The following C7orf78 variants were observed in gnomAD, a reference collection of about 807,000 sequenced individuals.
C7orf78 encodes putative uncharacterized protein C7orf78.
chr7:12,530,748 T>C, the C7orf78 span, among the ~76,000 whole-genome samples: 1 of 152,180 alleles, frequency 6.6e-6, no homozygotes. Context: ...AGAAGTTTAG[T>C]GAGTGACACT....
chr7:12,485,007 G>T, the C7orf78 span, among the ~76,000 whole-genome samples: 4 of 151,932 alleles, frequency 2.6e-5, no homozygotes, highest in Non-Finnish European at 5.9e-5. Flanking sequence ...TTTTTTCTTG[G>T]ATTAAGCGGT....
the C7orf78 span, among the ~76,000 whole-genome samples, chr7:12,516,471 G>A: frequency 6.6e-6 from 1 of 152,218 alleles, no homozygotes; most frequent in African/African-American, 2.4e-5. Flanking sequence ...GCTGTGGGAG[G>A]CCCCACACAG....
the C7orf78 span, among the ~76,000 whole-genome samples, chr7:12,527,777 A>G: frequency 3.3e-5 from 5 of 149,808 alleles, no homozygotes; most frequent in African/African-American, 1.2e-4. Context: ...AGAAAATGCC[A>G]TCTAGCTGTG....
the C7orf78 span, among the ~76,000 whole-genome samples, chr7:12,520,972 T>G: frequency 1.3e-5 from 2 of 152,174 alleles, no homozygotes; most frequent in South Asian, 2.1e-4. Flanking sequence ...TGTAATGGCC[T>G]TCTTTGTCTC....
chr7:12,514,398 TC>T, the C7orf78 span, among the ~76,000 whole-genome samples: 1 of 152,106 alleles, frequency 6.6e-6, no homozygotes, highest in Non-Finnish European at 1.5e-5. Flanking sequence ...TAATAGAATA[TC>T]TTTTCCCATA....
At chr7:12,519,390 G>A in the C7orf78 span, among the ~76,000 whole-genome samples, 5 of 152,144 alleles carry the variant, frequency 3.3e-5, no homozygotes, top group Non-Finnish European at 7.3e-5. Context: ...TGCAGAGAAG[G>A]AAAGAGATCC....
chr7:12,527,791 T>C, the C7orf78 span, among the ~76,000 whole-genome samples: 2 of 150,458 alleles, frequency 1.3e-5, no homozygotes, highest in East Asian at 2.0e-4. Context: ...AGCTGTGTAA[T>C]TGAAATGGAA....
At chr7:12,495,127 C>A in the C7orf78 span, among the ~76,000 whole-genome samples, 14 of 152,200 alleles carry the variant, frequency 9.2e-5, no homozygotes, top group Non-Finnish European at 1.8e-4. Flanking sequence ...ATGTGTCCAA[C>A]AGAGTGTCCT....
chr7:12,495,465 T>C, the C7orf78 span, among the ~76,000 whole-genome samples: 61 of 152,336 alleles, frequency 4.0e-4, 1 homozygote, highest in East Asian at 0.012. Context: ...CCTGAATTTA[T>C]GTAAATATGT....
the C7orf78 span, among the ~76,000 whole-genome samples, chr7:12,496,051 G>A: frequency 6.6e-6 from 1 of 152,018 alleles, no homozygotes; most frequent in Non-Finnish European, 1.5e-5. Flanking sequence ...TCAGCCTCCA[G>A]AGTAGGTGCA....
chr7:12,496,113 G>C, the C7orf78 span, among the ~76,000 whole-genome samples: 1 of 152,072 alleles, frequency 6.6e-6, no homozygotes, highest in African/African-American at 2.4e-5. Flanking sequence ...TTTTAGTAGA[G>C]ACGGGGTTTC....
chr7:12,528,730 C>G, the C7orf78 span, among the ~76,000 whole-genome samples: 8 of 152,174 alleles, frequency 5.3e-5, no homozygotes, highest in African/African-American at 1.9e-4. Context: ...AAAATTAACT[C>G]CAGCAGGACT....
the C7orf78 span, among the ~76,000 whole-genome samples, chr7:12,493,608 A>G: frequency 1.1e-4 from 17 of 152,234 alleles, no homozygotes; most frequent in African/African-American, 3.9e-4. Context: ...TAGTCACTGT[A>G]CTACAGAGAT....
chr7:12,484,938 A>G, the C7orf78 span, among the ~76,000 whole-genome samples: 2 of 152,158 alleles, frequency 1.3e-5, no homozygotes, highest in African/African-American at 4.8e-5. Flanking sequence ...CGATTAGCTC[A>G]TAGCAACTAA....
the C7orf78 span, among the ~76,000 whole-genome samples, chr7:12,512,741 T>G: frequency 6.6e-6 from 1 of 152,166 alleles, no homozygotes; most frequent in African/African-American, 2.4e-5. Flanking sequence ...TTGGAATAGT[T>G]TGAGGATGAT....
chr7:12,521,482 T>C, the C7orf78 span, among the ~76,000 whole-genome samples: 1 of 152,034 alleles, frequency 6.6e-6, no homozygotes, highest in Non-Finnish European at 1.5e-5. Context: ...TCTCCTTTAT[T>C]CCTTATTTTG....
the C7orf78 span, among the ~76,000 whole-genome samples, chr7:12,532,941 G>A: frequency 6.6e-6 from 1 of 152,240 alleles, no homozygotes; most frequent in Admixed American, 6.5e-5. Context: ...CTCCAGATGG[G>A]TAAGAATTTG....
chr7:12,528,518 A>T, the C7orf78 span, among the ~76,000 whole-genome samples: 1 of 146,960 alleles, frequency 6.8e-6, no homozygotes, highest in East Asian at 2.0e-4. Context: ...GGAAAATGTC[A>T]GCTTTCTTAG....
the C7orf78 span, chr7:12,487,150 T>C: frequency 6.6e-6 from 1 of 152,000 alleles, no homozygotes; most frequent in African/African-American, 2.4e-5. Flanking sequence ...TAACAGAAAA[T>C]TCAAAAAATT....
Sources: allele counts gnomAD v4.1 joint callset (sites outside exome capture counted in the v4.1 genomes callset), GRCh38; gene constraint gnomAD v4.1.1; transcripts MANE v1.5; gene names NCBI Gene and HGNC (gene_info 2026-07-23, HGNC 2026-07-21).